TBCB: variants seen among roughly 807,000 people sequenced by gnomAD.
TBCB encodes the protein tubulin folding cofactor B.
A neutral mutation model predicts 29.2 loss-of-function variants in TBCB; 18 were observed. The ratio of observed to expected loss-of-function variants is 0.62; its 90% CI spans 0.43 to 0.91. The LOEUF (loss-of-function observed/expected upper bound fraction) is 0.91. TBCB is among the 40% of genes least tolerant of loss of function. TBCB has a pLI of 0.00. For missense variants in TBCB, 336 were observed against 337.6 expected (o/e 1.00, Z 0.04); for synonymous variants, 172 against 137.8 (o/e 1.25, Z -1.74).
intron 2 of TBCB, 24 bp downstream of exon 2, chr19:36,116,208 C>T: frequency 1.9e-6 from 3 of 1,608,104 alleles, no homozygotes; most frequent in Non-Finnish European, 2.6e-6. Context: ...ATCTGGGACA[C>T]TCCCCCACCC....
In TBCB at chr19:36,115,653, C is replaced by A; in HGVS notation, c.93C>A (p.Ser31Arg). The change falls in exon 1 of 6, where the codon AGC becomes AGA. Residue 31 changes from serine to arginine, a missense_variant. By Grantham distance (110) the Ser-to-Arg change is moderately radical. Coordinates refer to ENST00000221855, the MANE Select transcript of TBCB (RefSeq NM_001281.3). ...GCTCCGAGAAGCGATACAGCCGCAG[C>A]CTCACCATCGCTGAGTTCAAGGTGT... is the stretch of plus-strand genomic sequence containing the variant. Reference protein sequence around the residue: ...TFRSEKRYSRSLTIAEFKCKL... With the variant: ...TFRSEKRYSRRLTIAEFKCKL... The A allele has an allele frequency of 1.9e-6, 3 of 1,605,664 alleles. No individual in the cohort carries two copies. The highest frequency in any genetic ancestry group is 2.5e-6 in the Non-Finnish European group (3 of 1,176,584).
chr19:36,125,555 G>A (rs1480954575), intron 5 of TBCB, 32 bp downstream of exon 5: 1 of 1,613,620 alleles, frequency 6.2e-7, no homozygotes, highest in Non-Finnish European at 8.5e-7. Context: ...GTGTCTGTGT[G>A]TGCATTTGTG....
intron 2 of TBCB, among the ~76,000 whole-genome samples, chr19:36,120,321 G>A (rs575536095): frequency 6.6e-5 from 10 of 152,292 alleles, no homozygotes; most frequent in African/African-American, 2.4e-4. Context: ...AGGAAGAGAT[G>A]CTCTGGGGCC....
intron 5 of TBCB, 48 bp downstream of exon 5, chr19:36,125,571 G>A (rs749590541): frequency 1.9e-6 from 3 of 1,612,658 alleles, no homozygotes; most frequent in African/African-American, 2.7e-5. Context: ...TTGTGTGTAA[G>A]TCCATGCGTG....
At chr19:36,121,808 T>C (rs562470083) in intron 4 of TBCB, 90 bp downstream of exon 4, 1 of 1,497,818 alleles carries the variant, frequency 6.7e-7, no homozygotes, top group East Asian at 2.5e-5. Flanking sequence ...GAGACCACGC[T>C]CTGCCTAGGG....
chr19:36,122,787 C>T (rs1243073348), intron 4 of TBCB, among the ~76,000 whole-genome samples: 1 of 150,118 alleles, frequency 6.7e-6, no homozygotes, highest in East Asian at 2.0e-4. Flanking sequence ...ACACGGGGTA[C>T]ATATATGTAT....
At chr19:36,115,395 A>G, upstream of TBCB, 1 of 602,534 alleles carries the variant, frequency 1.7e-6, no homozygotes, top group Non-Finnish European at 2.9e-6. Flanking sequence ...GGCGGTGGGG[A>G]AGGGACGGCG....
At chr19:36,115,929 G>A (rs527882913) in intron 1 of TBCB, 112 bp from the exon 2 acceptor site, 5 of 1,474,358 alleles carry the variant, frequency 3.4e-6, no homozygotes, top group Non-Finnish European at 3.7e-6. Flanking sequence ...TTGCGGCCCC[G>A]TGCGTCCTGA....
intron 2 of TBCB, among the ~76,000 whole-genome samples, chr19:36,119,283 C>T (rs1239679817): frequency 2.6e-5 from 4 of 152,184 alleles, no homozygotes; most frequent in Non-Finnish European, 5.9e-5. Flanking sequence ...ACGCTTCATC[C>T]GGAGGTAAAG....
chr19:36,124,524 G>A (rs536273323), intron 4 of TBCB, among the ~76,000 whole-genome samples: 5 of 151,792 alleles, frequency 3.3e-5, no homozygotes, highest in South Asian at 2.1e-4. Flanking sequence ...TGCGCCCATC[G>A]GTATGTCGGG....
Position 36,120,691 on chromosome 19 carries a change from AGC to A in TBCB, c.259-18_259-17del, listed in dbSNP as rs1491492702. On this transcript the variant is annotated splice_polypyrimidine_tract_variant and intron_variant, in intron 2 of 5. Transcript: ENST00000221855. The stretch of plus-strand genomic sequence containing the variant: ...CCTGGCCAGACCCTGATCCCCACGG[AGC>A]CCCTCCCCTCACACAGGTCATTGAC... 24 of 1,612,980 alleles carry A rather than the reference AGC, an allele frequency of 1.5e-5. No homozygotes were observed. Among genetic ancestry groups the A allele is most frequent in the Non-Finnish European group, 1.4e-5 (16 of 1,179,282 alleles).
At chr19:36,120,966 A>G in intron 3 of TBCB, among the ~76,000 whole-genome samples, 160 bp downstream of exon 3, 1 of 149,066 alleles carries the variant, frequency 6.7e-6, no homozygotes, top group East Asian at 2.0e-4. Context: ...GAGTGGGGAC[A>G]GACGGAGGCC....
intron 4 of TBCB, among the ~76,000 whole-genome samples, chr19:36,124,930 G>A (rs758481337): frequency 1.3e-5 from 2 of 152,142 alleles, no homozygotes; most frequent in African/African-American, 2.4e-5. Context: ...TGCCCACTTT[G>A]TAATGGGATT....
chr19:36,124,246 A>G (rs1974101596), intron 4 of TBCB, among the ~76,000 whole-genome samples: 2 of 152,102 alleles, frequency 1.3e-5, no homozygotes, highest in Non-Finnish European at 2.9e-5. Context: ...TTTTTGACAC[A>G]CAGTCTCACT....
chr19:36,118,644 C>T (rs989422724), intron 2 of TBCB: 1 of 148,148 alleles, frequency 6.8e-6, no homozygotes, highest in Non-Finnish European at 1.5e-5. Flanking sequence ...CACACCACTG[C>T]ACTCCAGTTT....
Position 36,115,571 on chromosome 19 carries a change from C to T in TBCB, c.11C>T (p.Thr4Met), listed in dbSNP as rs145076637. The change falls in exon 1 of 6, where the codon ACG becomes ATG. Residue 4 changes from threonine (T) to methionine (M), a missense_variant. Physicochemically the swap from Thr to Met is moderately conservative, Grantham distance 81 (BLOSUM62 -1). Transcript: ENST00000221855. ...GCAGGGCGCGGCAAGATGGAGGTGA[C>T]GGGGGTGTCGGCACCCACGGTGACC... MEV[T>M]GVSAPTVTVF... 1.8e-5 allele frequency: 29 copies of T among 1,607,814 alleles called. No homozygotes were observed. Among genetic ancestry groups the T allele is most frequent in the Middle Eastern group, 1.7e-4 (1 of 6,012 alleles).
rs768903201 is a variant in TBCB, at chr19:36,120,788, G to A, written c.337G>A (p.Ala113Thr). Residue 113 changes from alanine to threonine, a missense_variant, in exon 3 of 6, where the codon GCC becomes ACC. By Grantham distance (58) the Ala-to-Thr change is moderately conservative (BLOSUM62 0). Coordinates refer to ENST00000221855, the MANE Select transcript of TBCB (RefSeq NM_001281.3). ...GGAGAAGTACACGATCTCACAAGAA[G>A]CCTACGACCAGAGGCAAGGTACGGG... ...RVEKYTISQE[A>T]YDQRQDTVRS... is the part of the protein sequence containing the mutation. 6.2e-7 allele frequency: 1 copy of A among 1,613,908 alleles called. No individual in the cohort carries two copies. Among genetic ancestry groups the A allele is most frequent in the African/African-American group, 1.3e-5 (1 of 74,896 alleles).
chr19:36,123,254 CTTT>C (rs201890657), intron 4 of TBCB, among the ~76,000 whole-genome samples: 5 of 131,414 alleles, frequency 3.8e-5, no homozygotes, highest in African/African-American at 1.2e-4. Context: ...GAACCTTCTT[CTTT>C]TTTTTTTTTT....
chr19:36,125,535 T>G lies in TBCB; in HGVS notation c.620+12T>G. The stretch of plus-strand genomic sequence containing the variant: ...AAAAATGATGGCAGGTAACAAGAAT[T>G]CCCACTCAGGTGTCTGTGTGTGCAT... On this transcript the variant is annotated intron_variant, in intron 5 of 5. Coordinates refer to ENST00000221855, the MANE Select transcript of TBCB (RefSeq NM_001281.3). 1 of 1,614,128 alleles carries G rather than the reference T, an allele frequency of 6.2e-7. No individual in the cohort carries two copies. The highest frequency in any genetic ancestry group is 1.1e-5 in the South Asian group (1 of 91,086).
Sources: allele counts gnomAD v4.1 joint callset (sites outside exome capture counted in the v4.1 genomes callset), GRCh38; gene constraint gnomAD v4.1.1; transcripts MANE v1.5; gene names NCBI Gene and HGNC (gene_info 2026-07-23, HGNC 2026-07-21).